The following TF variants were observed in gnomAD, a reference collection of about 807,000 sequenced individuals.
The protein encoded by TF is transferrin, also known as serotransferrin.
A neutral mutation model predicts 82.4 loss-of-function variants in TF; 55 were observed. That is an observed-to-expected ratio of 0.67 (90% CI 0.54 to 0.84). The LOEUF is 0.84. Among genes scored for constraint, TF ranks in the 40% least tolerant of loss-of-function variants. The pLI, the probability that TF is intolerant of heterozygous loss-of-function variation, is 0.00. For missense variants in TF, 737 were observed against 868.4 expected (o/e 0.85, Z 1.90); for synonymous variants, 332 against 332.6 (o/e 1.00, Z 0.02).
chr3:133,750,517 C>T (rs1933631019), intron 2 of TF, among the ~76,000 whole-genome samples: 1 of 152,072 alleles, frequency 6.6e-6, no homozygotes, highest in African/African-American at 2.4e-5. Flanking sequence ...TGTAGCTTTC[C>T]CTCTTCTGGG....
the TF span, among the ~76,000 whole-genome samples, chr3:133,679,499 T>C: frequency 6.6e-6 from 1 of 151,794 alleles, no homozygotes; most frequent in Non-Finnish European, 1.5e-5. Context: ...TTTCTGCCAC[T>C]ATAGATAAGT....
chr3:133,718,530 G>A, the TF span, among the ~76,000 whole-genome samples: 4 of 152,162 alleles, frequency 2.6e-5, no homozygotes, highest in African/African-American at 9.7e-5. Flanking sequence ...ATGTGGAGAG[G>A]CAGAAGTTTG....
intron 9 of TF, among the ~76,000 whole-genome samples, chr3:133,760,081 G>C (rs948169313): frequency 6.6e-6 from 1 of 151,910 alleles, no homozygotes; most frequent in Non-Finnish European, 1.5e-5. Context: ...AGATGGGGGA[G>C]TATGGTTTGC....
At chr3:133,705,985 C>A in the TF span, among the ~76,000 whole-genome samples, 1 of 152,188 alleles carries the variant, frequency 6.6e-6, no homozygotes, top group South Asian at 2.1e-4. Context: ...GTTCCCTCTT[C>A]TCAGCAACCC....
At chr3:133,761,881 A>G (rs1576361870) in intron 9 of TF, 1 of 159,994 alleles carries the variant, frequency 6.3e-6, no homozygotes, top group East Asian at 1.7e-4. Context: ...AGACTGGCAG[A>G]AGTGAGAGTC....
intron 2 of TF, 77 bp downstream of exon 2, chr3:133,748,661 TACTC>T: frequency 6.5e-7 from 1 of 1,546,688 alleles, no homozygotes; most frequent in Non-Finnish European, 8.8e-7. Context: ...AACAATTCTT[TACTC>T]ACAGGTAGGA....
chr3:133,744,243 G>A (rs1933447788), upstream of TF, among the ~76,000 whole-genome samples: 1 of 152,198 alleles, frequency 6.6e-6, no homozygotes, highest in East Asian at 1.9e-4. Flanking sequence ...GCCTCAGCGG[G>A]GCTTAGTCTA....
the TF span, among the ~76,000 whole-genome samples, chr3:133,692,543 T>C: frequency 1.3e-5 from 2 of 152,102 alleles, no homozygotes; most frequent in Admixed American, 6.5e-5. Flanking sequence ...GAGGATCCTG[T>C]CTCCACTGGC....
chr3:133,757,675 T>C, intron 7 of TF, 94 bp from the exon 8 acceptor site: 1 of 1,282,302 alleles, frequency 7.8e-7, no homozygotes. Context: ...CTTTTTCATG[T>C]TGTTTCCTGC....
Position 133,791,899 on chromosome 3 carries a change from C to A in TF, c.*13279C>A, listed in dbSNP as rs189772737. 2 of 152,204 alleles carry A rather than the reference C, an allele frequency of 1.3e-5. No homozygotes were observed. Among genetic ancestry groups the A allele is most frequent in the Admixed American group, 6.5e-5 (1 of 15,290 alleles). 9.4% of individuals were successfully genotyped at this position (152,204 alleles called of 1,614,324 possible). ...GCTTAATAATAATAAGAGCTTAAAT[C>A]AAATATTTTATCAGAAAAGTAAAAA... On this transcript the variant is annotated 3_prime_UTR_variant, in exon 17 of 17. Transcript: ENST00000402696.
At chr3:133,685,067 C>CA in the TF span, among the ~76,000 whole-genome samples, 1 of 152,044 alleles carries the variant, frequency 6.6e-6, no homozygotes, top group African/African-American at 2.4e-5. Context: ...AATCAATAAA[C>CA]TAATCCATCA....
chr3:133,668,677 A>C, the TF span, among the ~76,000 whole-genome samples: 7 of 152,076 alleles, frequency 4.6e-5, no homozygotes, highest in South Asian at 1.5e-3. Context: ...CACCCTTAGC[A>C]CTCATGCACA....
the TF span, among the ~76,000 whole-genome samples, chr3:133,733,764 T>G: frequency 8.5e-5 from 13 of 152,296 alleles, no homozygotes; most frequent in Admixed American, 8.5e-4. Flanking sequence ...CTATCTGCCC[T>G]TCACAGTCCT....
At position 133,795,355 on chromosome 3, in the gene TF, A is replaced by C. The variant is rs780632987; in HGVS notation, c.*16735A>C. 7 of 152,098 alleles carry C rather than the reference A, an allele frequency of 4.6e-5. No homozygotes were observed. The highest frequency in any genetic ancestry group is 7.3e-5 in the Non-Finnish European group (5 of 68,044). 9.4% of individuals were successfully genotyped at this position (152,098 alleles called of 1,614,324 possible). Reference sequence around the variant, plus strand: ...TGCTGTATTCTCTCAACGGTTTTAAATGTTTGCATGCTGCCACCTCTAGAA... The same window carrying C: ...TGCTGTATTCTCTCAACGGTTTTAACTGTTTGCATGCTGCCACCTCTAGAA... On this transcript the variant is annotated 3_prime_UTR_variant, in exon 17 of 17. Coordinates refer to ENST00000402696, the MANE Select transcript of TF (RefSeq NM_001063.4).
intron 15 of TF, among the ~76,000 whole-genome samples, chr3:133,776,765 G>C (rs1399825441): frequency 6.6e-6 from 1 of 151,950 alleles, no homozygotes; most frequent in Non-Finnish European, 1.5e-5. Flanking sequence ...ATGAAGTGGG[G>C]AAGAGAGGTC....
the TF span, chr3:133,662,394 TCC>T: frequency 6.6e-6 from 1 of 152,226 alleles, no homozygotes; most frequent in Non-Finnish European, 1.5e-5. Context: ...TAATACTGCA[TCC>T]AGGTCTTCTG....
chr3:133,681,666 A>C, the TF span, among the ~76,000 whole-genome samples: 1 of 152,212 alleles, frequency 6.6e-6, no homozygotes, highest in Admixed American at 6.5e-5. Context: ...GGCGCCCCTC[A>C]TTGCTGAGGC....
intron 5 of TF, among the ~76,000 whole-genome samples, 171 bp from the exon 6 acceptor site, chr3:133,756,111 T>G (rs1189009804): frequency 1.3e-5 from 2 of 152,042 alleles, no homozygotes; most frequent in Non-Finnish European, 2.9e-5. Context: ...GTGAGCTCAT[T>G]CCCCCATCTC....
the TF span, among the ~76,000 whole-genome samples, chr3:133,664,131 TG>T: frequency 5.3e-5 from 8 of 152,174 alleles, no homozygotes; most frequent in African/African-American, 1.9e-4. Context: ...CAGGAGCACT[TG>T]GGGTAGGGCT....
Sources: gnomAD v4.1 joint callset for allele counts (sites outside exome capture counted in the v4.1 genomes callset) on GRCh38, gnomAD v4.1.1 for gene constraint, MANE v1.5 for transcripts, NCBI Gene and HGNC (gene_info 2026-07-23, HGNC 2026-07-21) for gene names.